STK32B: variants seen among roughly 807,000 people sequenced by gnomAD.
STK32B encodes serine/threonine-protein kinase 32B.
In STK32B, 43 loss-of-function variants were observed where a neutral mutation model predicts 52.6. The observed-to-expected ratio is 0.82, with a 90% confidence interval of 0.64 to 1.05. The LOEUF (loss-of-function observed/expected upper bound fraction) is 1.05, where lower values mean the gene tolerates loss of function less well. Ranked by LOEUF, STK32B falls within the 50% of genes least tolerant of loss-of-function variation. STK32B has a pLI of 0.00. For synonymous variants in STK32B, 238 were observed against 204.3 expected, an observed-to-expected ratio of 1.17 and a Z score of -1.41; for missense variants, 621 against 534.6, an observed-to-expected ratio of 1.16 and a Z score of -1.59.
chr4:5,171,926 C>G (rs1424760491), intron 3 of STK32B, among the ~76,000 whole-genome samples: 1 of 151,636 alleles, frequency 6.6e-6, no homozygotes, highest in African/African-American at 2.4e-5. Flanking sequence ...GATGTTGATT[C>G]TTCCTACCCA....
chr4:5,093,614 A>AT (rs1458867114), intron 1 of STK32B, among the ~76,000 whole-genome samples: 1 of 152,210 alleles, frequency 6.6e-6, no homozygotes, highest in East Asian at 1.9e-4. Context: ...CTAATGTTAA[A>AT]TGATGAGTTA....
At chr4:5,377,957 T>G (rs1408831112) in intron 4 of STK32B, among the ~76,000 whole-genome samples, 1 of 152,082 alleles carries the variant, frequency 6.6e-6, no homozygotes, top group Non-Finnish European at 1.5e-5. Flanking sequence ...AACAAAATAG[T>G]AGTACCAAAT....
At chr4:5,355,859 G>A (rs906274676) in intron 4 of STK32B, among the ~76,000 whole-genome samples, 1 of 152,178 alleles carries the variant, frequency 6.6e-6, no homozygotes, top group Non-Finnish European at 1.5e-5. Context: ...GAAACCTCAA[G>A]CACCACTTTA....
intron 7 of STK32B, among the ~76,000 whole-genome samples, chr4:5,454,650 C>T (rs1270492464): frequency 1.3e-5 from 2 of 152,110 alleles, no homozygotes; most frequent in Non-Finnish European, 2.9e-5. Flanking sequence ...TGAGCCTTGG[C>T]AATTCACACT....
intron 11 of STK32B, among the ~76,000 whole-genome samples, chr4:5,493,048 G>C (rs1219137452): frequency 1.3e-5 from 2 of 151,322 alleles, no homozygotes; most frequent in African/African-American, 2.5e-5. Flanking sequence ...CTCTTTTATG[G>C]TTGTGTCTCT....
intron 1 of STK32B, among the ~76,000 whole-genome samples, chr4:5,103,621 C>G (rs1033273877): frequency 3.3e-5 from 5 of 152,112 alleles, no homozygotes; most frequent in African/African-American, 1.2e-4. Flanking sequence ...GGTAGGTACT[C>G]TAAATACACG....
chr4:5,077,620 G>A (rs971492832), intron 1 of STK32B, among the ~76,000 whole-genome samples: 1 of 152,060 alleles, frequency 6.6e-6, no homozygotes, highest in African/African-American at 2.4e-5. Context: ...TTGCAGCCAA[G>A]GTTAGATGCT....
At chr4:5,404,490 C>T (rs1404068002) in intron 5 of STK32B, among the ~76,000 whole-genome samples, 1 of 152,134 alleles carries the variant, frequency 6.6e-6, no homozygotes, top group Non-Finnish European at 1.5e-5. Context: ...AACTGTTATA[C>T]ATTTGCATAC....
intron 4 of STK32B, among the ~76,000 whole-genome samples, chr4:5,353,846 C>T (rs928168323): frequency 4.6e-5 from 7 of 152,126 alleles, no homozygotes; most frequent in African/African-American, 1.7e-4. Context: ...TTCCAAAAAA[C>T]TAGAACTACC....
At chr4:5,451,894 C>T (rs976275765) in intron 7 of STK32B, among the ~76,000 whole-genome samples, 12 of 152,174 alleles carry the variant, frequency 7.9e-5, no homozygotes, top group Admixed American at 3.3e-4. Context: ...GCATTGCACC[C>T]CCATGGAGTG....
chr4:5,440,918 T>A (rs1365441552), intron 6 of STK32B, among the ~76,000 whole-genome samples: 1 of 151,208 alleles, frequency 6.6e-6, no homozygotes, highest in Admixed American at 6.6e-5. Context: ...TATTGATTTG[T>A]GTATATTGAA....
Position 5,176,169 on chromosome 4 carries a change from G to A in STK32B, c.260+7719G>A, listed in dbSNP as rs185832108. On this transcript the variant is annotated intron_variant, in intron 3 of 11. Coordinates refer to ENST00000282908, the MANE Select transcript of STK32B (RefSeq NM_018401.3). ...TTGGAAAAGCGTAGTATTAGGGTGG[G>A]AGTGACCCGATTTTCCAGGTGCCGG... is the stretch of plus-strand genomic sequence containing the variant. Among the ~76,000 whole-genome samples, 640 of 152,330 alleles carry A rather than the reference G, an allele frequency of 4.2e-3. 5 individuals are homozygous for A. The highest frequency in any genetic ancestry group is 0.027 in the South Asian group (129 of 4,824).
intron 11 of STK32B, among the ~76,000 whole-genome samples, chr4:5,486,679 GCTGGGAGCTGTAGA>G (rs1331937553): frequency 2.0e-5 from 3 of 152,236 alleles, no homozygotes; most frequent in Non-Finnish European, 2.9e-5. Context: ...CGTCGCTCAT[GCTGGGAGCTGTAGA>G]CTGGGAGCTG....
At chr4:5,368,000 G>T (rs1305527679) in intron 4 of STK32B, among the ~76,000 whole-genome samples, 1 of 152,126 alleles carries the variant, frequency 6.6e-6, no homozygotes, top group East Asian at 1.9e-4. Flanking sequence ...CTTGAAATGT[G>T]AGTGTGGAGG....
chr4:5,168,307 C>T lies in STK32B; in HGVS notation c.117C>T (p.Ile39=), dbSNP rs756490518. Residue 39 remains isoleucine, a synonymous_variant, in exon 3 of 12, where the codon ATC becomes ATT. Transcript: ENST00000282908. ...CTTTGGCTGTCGCTCAGGTATGCAT[C>T]GTGCAGAAGCGAGACACTAAGAAAA... ...IGKGSFGKVC[I]VQKRDTKKMY... 43 of 1,613,350 alleles carry T rather than the reference C, an allele frequency of 2.7e-5. No homozygotes were observed. Among genetic ancestry groups the T allele is most frequent in the South Asian group, 8.8e-5 (8 of 90,984 alleles).
chr4:5,037,655 C>A, the STK32B span, among the ~76,000 whole-genome samples: 1 of 152,182 alleles, frequency 6.6e-6, no homozygotes, highest in African/African-American at 2.4e-5. Flanking sequence ...TTCCCCAAAG[C>A]AAACCCTCTT....
chr4:5,391,102 G>T (rs1455902697), intron 4 of STK32B, among the ~76,000 whole-genome samples: 3 of 151,738 alleles, frequency 2.0e-5, no homozygotes, highest in South Asian at 2.1e-4. Context: ...GGGACTACAG[G>T]CACCCGCCAC....
At position 5,396,093 on chromosome 4, in the gene STK32B, G is replaced by A. The variant is rs1256538690; in HGVS notation, c.435-2114G>A. Among the ~76,000 whole-genome samples, 1 of 152,212 alleles carries A rather than the reference G, an allele frequency of 6.6e-6. No homozygotes were observed. The highest frequency in any genetic ancestry group is 1.5e-5 in the Non-Finnish European group (1 of 68,038). ...CCAGTTGTGTTAGCTTCCGGGGACT[G>A]CCACAGCAAATTACTGCAAAATCGG... On this transcript the variant is annotated intron_variant, in intron 4 of 11. Transcript: ENST00000282908. This position sits in a 1 kb window ranked among gnomAD's most constrained non-coding sequence, Gnocchi z 4.7.
At chr4:5,252,291 C>G (rs989827133) in intron 3 of STK32B, among the ~76,000 whole-genome samples, 7 of 152,162 alleles carry the variant, frequency 4.6e-5, no homozygotes, top group African/African-American at 1.7e-4. Context: ...AGGGCCAGTG[C>G]TAGACACATT....
Sources: gnomAD v4.1 joint callset for allele counts (sites outside exome capture counted in the v4.1 genomes callset) on GRCh38, gnomAD v4.1.1 for gene constraint, Gnocchi (gnomAD v3.1) non-coding constraint, MANE v1.5 for transcripts, NCBI Gene and HGNC (gene_info 2026-07-23, HGNC 2026-07-21) for gene names.